The following MAML3 variants were observed in gnomAD, a reference collection of about 807,000 sequenced individuals.
MAML3 encodes mastermind like transcriptional coactivator 3.
In MAML3, 27 loss-of-function variants were observed where a neutral mutation model predicts 101.9. The observed-to-expected ratio is 0.27, with a 90% confidence interval of 0.20 to 0.37. The LOEUF (loss-of-function observed/expected upper bound fraction) is 0.37, where lower values mean the gene tolerates loss of function less well. MAML3 is among the 10% of genes least tolerant of loss of function. The pLI is 1.00. For missense variants in MAML3, 1,316 were observed against 1,444.9 expected (o/e 0.91, Z 1.45); for synonymous variants, 501 against 555.9 (o/e 0.90, Z 1.39).
chr4:140,089,680 A>C (rs1189567403), intron 1 of MAML3, among the ~76,000 whole-genome samples: 1 of 152,248 alleles, frequency 6.6e-6, no homozygotes, highest in Admixed American at 6.5e-5. Flanking sequence ...TATTCACATG[A>C]CATTCCAGAA....
chr4:139,948,782 G>A (rs769661), intron 1 of MAML3, among the ~76,000 whole-genome samples: 65,223 of 151,968 alleles, frequency 0.43, 15,797 homozygotes, highest in African/African-American at 0.66. Flanking sequence ...GTATGGACAC[G>A]TATATTAATA....
chr4:140,152,382 A>T (rs1401955515), intron 1 of MAML3, among the ~76,000 whole-genome samples: 1 of 152,050 alleles, frequency 6.6e-6, no homozygotes, highest in Non-Finnish European at 1.5e-5. Context: ...AACCTGCGAC[A>T]GCATCAATAT....
intron 2 of MAML3, among the ~76,000 whole-genome samples, chr4:139,843,702 T>G (rs1731398899): frequency 6.6e-6 from 1 of 152,246 alleles, no homozygotes; most frequent in African/African-American, 2.4e-5. Context: ...TTCGGAGTCT[T>G]CTAATGAAAT....
Position 139,889,908 on chromosome 4 carries a change from G to A in MAML3, c.1528C>T (p.Gln510Ter). The A allele has an allele frequency of 6.3e-7, 1 of 1,598,060 alleles. No individual in the cohort carries two copies. Among genetic ancestry groups the A allele is most frequent in the Non-Finnish European group, 8.5e-7 (1 of 1,174,992 alleles). Reference protein sequence around the residue: ...QQQQQQQQQQQHSNQTSNWSP... With the variant: ...QQQQQQQQQQ Reference sequence around the variant, plus strand: ...CAATTTGAAGTCTGATTTGAGTGCTGTTGCTGCTGCTGCTGCTGCTGCTGC... The same window carrying A: ...CAATTTGAAGTCTGATTTGAGTGCTATTGCTGCTGCTGCTGCTGCTGCTGC... Residue 510 changes from glutamine to a stop codon, truncating the protein, a stop_gained, in exon 2 of 5, where the codon CAG (glutamine) becomes TAG (stop). Coordinates refer to ENST00000509479, the MANE Select transcript of MAML3 (RefSeq NM_018717.5). LOFTEE classifies it high-confidence loss of function.
chr4:139,949,665 A>G (rs1733800176), intron 1 of MAML3, among the ~76,000 whole-genome samples: 1 of 152,240 alleles, frequency 6.6e-6, no homozygotes, highest in Admixed American at 6.5e-5. Context: ...GAAACCTAAA[A>G]ATATCAATGT....
rs139509066 is a variant in MAML3, at chr4:139,937,006, C to CT, written c.469-46040dup. On this transcript the variant is annotated intron_variant, in intron 1 of 4. Transcript: ENST00000509479. ...AGTTTCTACCCAGTGTCAAACAACT[C>CT]TATCACATTCCCATCAAAATAAGTC... Among the ~76,000 whole-genome samples, 1,089 of 152,308 alleles carry CT rather than the reference C, an allele frequency of 7.1e-3. 12 individuals are homozygous for CT. Among genetic ancestry groups the CT allele is most frequent in the African/African-American group, 0.025 (1,024 of 41,562 alleles).
intron 1 of MAML3, among the ~76,000 whole-genome samples, chr4:139,989,882 CAG>C (rs141031028): frequency 4.4e-4 from 28 of 63,118 alleles, no homozygotes; most frequent in East Asian, 2.9e-3. Flanking sequence ...CACACACACA[CAG>C]AGAGAGAGAG....
intron 1 of MAML3, among the ~76,000 whole-genome samples, chr4:140,091,551 A>AAC (rs538203113): frequency 6.7e-6 from 1 of 149,788 alleles, no homozygotes; most frequent in South Asian, 2.1e-4. Flanking sequence ...AACAAAACAA[A>AAC]AAAAAAAAAC....
chr4:140,101,711 C>T (rs35755949), intron 1 of MAML3, among the ~76,000 whole-genome samples: 27,743 of 152,104 alleles, frequency 0.18, 3,034 homozygotes, highest in Middle Eastern at 0.35. Context: ...AGGTTATGGA[C>T]TGAAAACACC....
At chr4:139,734,110 C>T (rs1205084439) in intron 2 of MAML3, among the ~76,000 whole-genome samples, 1 of 152,198 alleles carries the variant, frequency 6.6e-6, no homozygotes, top group Admixed American at 6.5e-5. Flanking sequence ...GAGGTGTATT[C>T]CAAAGTGTGA....
intron 1 of MAML3, among the ~76,000 whole-genome samples, chr4:140,057,937 GCCA>G (rs934023003): frequency 2.1e-5 from 3 of 144,114 alleles, no homozygotes; most frequent in Admixed American, 7.2e-5. Flanking sequence ...GGCCCCCACC[GCCA>G]CCACCACCTT....
intron 1 of MAML3, among the ~76,000 whole-genome samples, chr4:140,139,276 T>G (rs1728944993): frequency 6.6e-6 from 1 of 152,108 alleles, no homozygotes. Flanking sequence ...CTGTTGTCTT[T>G]TTTTTTCTTT....
intron 1 of MAML3, among the ~76,000 whole-genome samples, chr4:139,953,880 G>A (rs1013992696): frequency 1.3e-5 from 2 of 152,250 alleles, no homozygotes; most frequent in Non-Finnish European, 2.9e-5. Context: ...TTCCAACGGC[G>A]ACAGGAGGCT....
intron 1 of MAML3, among the ~76,000 whole-genome samples, chr4:140,082,142 T>TGAAAA (rs1487369831): frequency 6.6e-6 from 1 of 152,212 alleles, no homozygotes; most frequent in Non-Finnish European, 1.5e-5. Context: ...AGGAAGCAGC[T>TGAAAA]GAAAAGAAAG....
chr4:139,876,940 G>A (rs1454402412), intron 2 of MAML3, among the ~76,000 whole-genome samples: 1 of 152,156 alleles, frequency 6.6e-6, no homozygotes, highest in Non-Finnish European at 1.5e-5. Context: ...AACATCCTTT[G>A]TATGAATTGG....
intron 1 of MAML3, among the ~76,000 whole-genome samples, chr4:140,120,098 G>A (rs1272903251): frequency 6.6e-5 from 10 of 152,004 alleles, no homozygotes; most frequent in African/African-American, 1.9e-4. Context: ...TTAGCCGGGC[G>A]TGGTGGCGGG....
intron 1 of MAML3, among the ~76,000 whole-genome samples, chr4:140,097,023 C>A (rs185654898): frequency 6.6e-6 from 1 of 152,156 alleles, no homozygotes; most frequent in South Asian, 2.1e-4. Context: ...TAAGTAGCCA[C>A]GGCACAGGCC....
At chr4:140,023,389 T>C (rs781459174) in intron 1 of MAML3, among the ~76,000 whole-genome samples, 3 of 152,170 alleles carry the variant, frequency 2.0e-5, no homozygotes, top group Admixed American at 6.5e-5. Flanking sequence ...GGATACACTC[T>C]TGGTGAGTGA....
chr4:139,791,679 A>G lies in MAML3; in HGVS notation c.2080-61012T>C, dbSNP rs145797371. On this transcript the variant is annotated intron_variant, in intron 2 of 4. Coordinates refer to ENST00000509479, the MANE Select transcript of MAML3 (RefSeq NM_018717.5). ...AGTAGTCAAAGCAGCTTTACTCATA[A>G]TACAGGGAAATGTCCCTCCTGAAAG... Among the ~76,000 whole-genome samples, 25 of 152,310 alleles carry G rather than the reference A, an allele frequency of 1.6e-4. No homozygotes were observed. In the East Asian group the frequency reaches 4.8e-3, roughly 29 times the overall value.
Sources: gnomAD v4.1 joint callset for allele counts (sites outside exome capture counted in the v4.1 genomes callset) on GRCh38, gnomAD v4.1.1 for gene constraint, MANE v1.5 for transcripts, NCBI Gene and HGNC (gene_info 2026-07-23, HGNC 2026-07-21) for gene names.